OPCML: variants seen among roughly 807,000 people sequenced by gnomAD.
OPCML encodes the protein opioid binding protein/cell adhesion molecule like, also known as opioid-binding protein/cell adhesion molecule.
A neutral mutation model predicts 37.8 loss-of-function variants in OPCML; 13 were observed. The ratio of observed to expected loss-of-function variants is 0.34; its 90% CI spans 0.22 to 0.55. The LOEUF is 0.55. OPCML is among the 20% of genes least tolerant of loss of function. The pLI, the probability that OPCML is intolerant of heterozygous loss-of-function variation, is 0.91. For missense variants in OPCML, 341 were observed against 435.6 expected (o/e 0.78, Z 1.93); for synonymous variants, 176 against 168.8 (o/e 1.04, Z -0.33).
intron 1 of OPCML, among the ~76,000 whole-genome samples, chr11:133,328,066 G>T (rs1009304929): frequency 6.6e-6 from 1 of 151,962 alleles, no homozygotes; most frequent in African/African-American, 2.4e-5. Context: ...GCTAAAAACT[G>T]AAAACTAGCT....
intron 1 of OPCML, among the ~76,000 whole-genome samples, chr11:133,056,615 T>C (rs1172012944): frequency 1.3e-5 from 2 of 152,220 alleles, no homozygotes; most frequent in African/African-American, 4.8e-5. Context: ...TTAACTGAAC[T>C]TTATCCTACA....
chr11:133,119,327 A>G (rs1041185389), intron 1 of OPCML, among the ~76,000 whole-genome samples: 1 of 151,948 alleles, frequency 6.6e-6, no homozygotes, highest in Non-Finnish European at 1.5e-5. Flanking sequence ...TATAATATCT[A>G]TATCTTTTCA....
intron 1 of OPCML, among the ~76,000 whole-genome samples, chr11:133,385,529 C>T (rs779293132): frequency 2.0e-5 from 3 of 152,216 alleles, no homozygotes; most frequent in East Asian, 1.9e-4. Flanking sequence ...GTGCTGCAAC[C>T]ACAAAATTAG....
rs532100262 is a variant in OPCML, at chr11:132,469,918, GTA to G, written c.506-32561_506-32560del. Among the ~76,000 whole-genome samples the G allele has an allele frequency of 1.8e-3, 263 of 145,326 alleles. 1 individual carries two copies. The highest frequency in any genetic ancestry group is 6.3e-3 in the African/African-American group (248 of 39,232). ...TGTAGGTATGTGTCTGTATATGTGT[GTA>G]TGTGTGTGGGGGGAGTGTGTGAGTG... On this transcript the variant is annotated intron_variant, in intron 4 of 7. Coordinates refer to ENST00000524381, the MANE Select transcript of OPCML (RefSeq NM_001012393.5).
intron 3 of OPCML, among the ~76,000 whole-genome samples, chr11:132,612,339 T>TA (rs1195501752): frequency 6.6e-6 from 1 of 152,206 alleles, no homozygotes; most frequent in African/African-American, 2.4e-5. Context: ...GTTTGTAATA[T>TA]AAATAACTGA....
intron 1 of OPCML, among the ~76,000 whole-genome samples, chr11:133,056,279 C>A (rs539261789): frequency 7.9e-5 from 12 of 152,246 alleles, no homozygotes; most frequent in Middle Eastern, 3.4e-3. Flanking sequence ...TACTGTGTGG[C>A]CCTAAAAGGA....
At chr11:133,025,494 G>A (rs747157333) in intron 1 of OPCML, 36 of 984,720 alleles carry the variant, frequency 3.7e-5, no homozygotes, top group Non-Finnish European at 4.0e-5. Context: ...CTAGTCAGTC[G>A]GCTCTCTCAG....
chr11:133,117,977 G>A, intron 1 of OPCML: 1 of 972,548 alleles, frequency 1.0e-6, no homozygotes. Flanking sequence ...GGAACTGCAA[G>A]TGGAGGAGAC....
intron 1 of OPCML, among the ~76,000 whole-genome samples, chr11:133,230,357 A>G (rs981330678): frequency 2.0e-5 from 3 of 152,020 alleles, no homozygotes; most frequent in Non-Finnish European, 4.4e-5. Flanking sequence ...TGGCAAAGGC[A>G]TTCACCCTCC....
At chr11:132,761,229 C>CTTTTTTTT (rs71067393) in intron 2 of OPCML, among the ~76,000 whole-genome samples, 4 of 122,670 alleles carry the variant, frequency 3.3e-5, no homozygotes, top group Non-Finnish European at 3.5e-5. Context: ...CTGCGCTTAA[C>CTTTTTTTT]TTTTTTTTTT....
chr11:132,821,595 A>G (rs1321851262), intron 2 of OPCML, among the ~76,000 whole-genome samples: 1 of 152,248 alleles, frequency 6.6e-6, no homozygotes, highest in Admixed American at 6.5e-5. Context: ...TCTACGAAGG[A>G]GAGACCTGTA....
intron 1 of OPCML, among the ~76,000 whole-genome samples, chr11:133,483,364 TAATA>T (rs1242296504): frequency 6.6e-6 from 1 of 151,596 alleles, no homozygotes; most frequent in African/African-American, 2.4e-5. Context: ...GATAGATAGC[TAATA>T]GATAGATATG....
chr11:132,583,741 G>A (rs192859948), intron 3 of OPCML, among the ~76,000 whole-genome samples: 1 of 152,212 alleles, frequency 6.6e-6, no homozygotes, highest in East Asian at 1.9e-4. Context: ...AGCCTCCCAA[G>A]TAGCTGGGAT....
intron 1 of OPCML, among the ~76,000 whole-genome samples, chr11:133,141,765 C>T (rs1161522554): frequency 6.6e-6 from 1 of 152,162 alleles, no homozygotes; most frequent in African/African-American, 2.4e-5. Context: ...TCAAATGTTT[C>T]CCCCTAATTT....
chr11:133,166,528 T>G (rs1182206118), intron 1 of OPCML, among the ~76,000 whole-genome samples: 1 of 152,176 alleles, frequency 6.6e-6, no homozygotes, highest in African/African-American at 2.4e-5. Flanking sequence ...TTGGCATATG[T>G]TATGGGAACA....
chr11:132,676,789 G>GAAAAAAAAAAAAAAAA (rs1196087295), intron 2 of OPCML, among the ~76,000 whole-genome samples: 3 of 93,790 alleles, frequency 3.2e-5, no homozygotes, highest in Non-Finnish European at 4.9e-5. Context: ...AAACAAACAA[G>GAAAAAAAAAAAAAAAA]AAAAAAAAAA....
chr11:132,754,957 AAG>A (rs1945986044), intron 2 of OPCML, among the ~76,000 whole-genome samples: 1 of 152,220 alleles, frequency 6.6e-6, no homozygotes, highest in Non-Finnish European at 1.5e-5. Context: ...AGTGGGGCTG[AAG>A]ACCAAGCCTT....
intron 1 of OPCML, among the ~76,000 whole-genome samples, chr11:133,503,384 C>T (rs1046925264): frequency 2.0e-5 from 3 of 152,130 alleles, no homozygotes; most frequent in Non-Finnish European, 4.4e-5. Context: ...TGGTCAACAA[C>T]CCCTCCCTCA....
chr11:132,994,817 G>T (rs1294459206), intron 1 of OPCML, among the ~76,000 whole-genome samples: 1 of 152,168 alleles, frequency 6.6e-6, no homozygotes, highest in African/African-American at 2.4e-5. Flanking sequence ...CAAATGAATG[G>T]AAGCAATATA....
Sources: gnomAD v4.1 joint callset for allele counts (sites outside exome capture counted in the v4.1 genomes callset) on GRCh38, gnomAD v4.1.1 for gene constraint, MANE v1.5 for transcripts, NCBI Gene and HGNC (gene_info 2026-07-23, HGNC 2026-07-21) for gene names.